CSMD1: variants seen among roughly 807,000 people sequenced by gnomAD.
The protein encoded by CSMD1 is CUB and Sushi multiple domains 1, also known as CUB and sushi domain-containing protein 1.
In CSMD1, 213 loss-of-function variants were observed where a neutral mutation model predicts 417.5. That is an observed-to-expected ratio of 0.51 (90% CI 0.46 to 0.57). CSMD1 has a LOEUF of 0.57. Among genes scored for constraint, CSMD1 ranks in the 20% least tolerant of loss-of-function variants. The pLI, the probability that CSMD1 is intolerant of heterozygous loss-of-function variation, is 0.00. For missense variants in CSMD1, 6,923 were observed against 4,529.7 expected (o/e 1.53, Z -15.17); for synonymous variants, 2,862 against 1,736.8 (o/e 1.65, Z -16.11).
At chr8:4,475,681 A>T (rs1241324548) in intron 2 of CSMD1, among the ~76,000 whole-genome samples, 2 of 43,188 alleles carry the variant, frequency 4.6e-5, no homozygotes, top group African/African-American at 1.8e-4. Context: ...CAGTGGCATG[A>T]TCTCAGCTCA....
intron 2 of CSMD1, among the ~76,000 whole-genome samples, chr8:4,592,641 C>A (rs964262076): frequency 6.6e-6 from 1 of 152,124 alleles, no homozygotes; most frequent in Non-Finnish European, 1.5e-5. Context: ...CCTGTCTTGG[C>A]CTCCCAAAGT....
At chr8:4,601,025 C>T (rs986730589) in intron 2 of CSMD1, among the ~76,000 whole-genome samples, 33 of 148,456 alleles carry the variant, frequency 2.2e-4, no homozygotes, top group African/African-American at 6.2e-4. Context: ...GGTGCCATCT[C>T]GGCTCACTGC....
At chr8:3,723,129 G>C (rs555849959) in intron 6 of CSMD1, among the ~76,000 whole-genome samples, 1 of 152,088 alleles carries the variant, frequency 6.6e-6, no homozygotes, top group Non-Finnish European at 1.5e-5. Context: ...AGTCCAATTC[G>C]GTGGTTCTAG....
intron 5 of CSMD1, among the ~76,000 whole-genome samples, chr8:3,785,803 A>C (rs1471235249): frequency 1.3e-5 from 2 of 152,188 alleles, no homozygotes; most frequent in Non-Finnish European, 2.9e-5. Context: ...CAGGCTGCGG[A>C]AGAGCTATGT....
At chr8:4,371,506 G>T (rs1425332993) in intron 3 of CSMD1, among the ~76,000 whole-genome samples, 1 of 152,062 alleles carries the variant, frequency 6.6e-6, no homozygotes, top group East Asian at 1.9e-4. Context: ...TATTAGATAT[G>T]GGATATTCCC....
chr8:3,349,440 G>T (rs2730043), intron 21 of CSMD1, among the ~76,000 whole-genome samples: 2 of 151,748 alleles, frequency 1.3e-5, no homozygotes, highest in African/African-American at 2.4e-5. Flanking sequence ...AAGGGTGTGA[G>T]GAGAAAGTCA....
chr8:4,256,819 T>C (rs1480203424), intron 3 of CSMD1, among the ~76,000 whole-genome samples: 1 of 151,980 alleles, frequency 6.6e-6, no homozygotes, highest in Admixed American at 6.6e-5. Flanking sequence ...TAAAGTCGAG[T>C]TATGAGCAAA....
chr8:4,169,197 C>A (rs1453007181), intron 3 of CSMD1, among the ~76,000 whole-genome samples: 1 of 152,098 alleles, frequency 6.6e-6, no homozygotes, highest in South Asian at 2.1e-4. Flanking sequence ...ACATAGTGTA[C>A]GTCACCAACA....
intron 11 of CSMD1, among the ~76,000 whole-genome samples, chr8:3,482,264 A>G (rs943552350): frequency 1.3e-5 from 2 of 152,176 alleles, no homozygotes; most frequent in East Asian, 1.9e-4. Flanking sequence ...AATTACCCAA[A>G]TAATGAGGCT....
At chr8:3,137,090 A>C (rs1314387424) in intron 41 of CSMD1, among the ~76,000 whole-genome samples, 1 of 152,092 alleles carries the variant, frequency 6.6e-6, no homozygotes, top group Non-Finnish European at 1.5e-5. Flanking sequence ...AGCCTTTATC[A>C]TTTCTTTGTG....
intron 1 of CSMD1, among the ~76,000 whole-genome samples, chr8:4,671,058 C>A (rs1805291578): frequency 6.6e-6 from 1 of 152,186 alleles, no homozygotes; most frequent in South Asian, 2.1e-4. Context: ...ACAGTCATTG[C>A]AAATATTACA....
chr8:3,604,787 T>C (rs1418784802), intron 8 of CSMD1, among the ~76,000 whole-genome samples: 3 of 152,090 alleles, frequency 2.0e-5, no homozygotes, highest in African/African-American at 7.2e-5. Context: ...TTATTGCTTG[T>C]GGTATCCAAG....
intron 7 of CSMD1, among the ~76,000 whole-genome samples, chr8:3,682,242 G>C (rs1379556279): frequency 2.6e-5 from 4 of 152,158 alleles, no homozygotes; most frequent in Non-Finnish European, 5.9e-5. Flanking sequence ...ACTACCATCA[G>C]AGTGAACAGG....
At chr8:3,302,153 G>A (rs771522042) in intron 25 of CSMD1, among the ~76,000 whole-genome samples, 1 of 152,142 alleles carries the variant, frequency 6.6e-6, no homozygotes, top group Non-Finnish European at 1.5e-5. Context: ...CAATAATGAT[G>A]AAATAATGAT....
chr8:3,103,311 T>A (rs1357799556), intron 46 of CSMD1, among the ~76,000 whole-genome samples: 1 of 152,136 alleles, frequency 6.6e-6, no homozygotes, highest in Non-Finnish European at 1.5e-5. Context: ...TATTGGGACA[T>A]GAAAAATAGC....
intron 49 of CSMD1, among the ~76,000 whole-genome samples, chr8:3,055,891 C>T (rs538361665): frequency 3.9e-5 from 6 of 152,136 alleles, no homozygotes; most frequent in South Asian, 2.1e-4. Context: ...TGTCTTCTTA[C>T]GCTCAGGTTA....
chr8:4,658,317 A>G (rs1311010722), intron 1 of CSMD1, among the ~76,000 whole-genome samples: 8 of 152,168 alleles, frequency 5.3e-5, no homozygotes, highest in Admixed American at 5.2e-4. Flanking sequence ...AAATTTTGAA[A>G]GACAAAAACA....
intron 7 of CSMD1, chr8:3,702,211 T>G (rs1339361164): frequency 1.3e-5 from 2 of 152,212 alleles, no homozygotes; most frequent in South Asian, 4.1e-4. Flanking sequence ...CCATCCTGCA[T>G]GGCTACAAAG....
intron 51 of CSMD1, among the ~76,000 whole-genome samples, chr8:3,025,016 G>A (rs530620464): frequency 1.3e-5 from 2 of 150,580 alleles, no homozygotes; most frequent in Non-Finnish European, 3.0e-5. Context: ...TTCTGAAACC[G>A]TGTATTGTGC....
Sources: allele counts gnomAD v4.1 joint callset (sites outside exome capture counted in the v4.1 genomes callset), GRCh38; gene constraint gnomAD v4.1.1; transcripts MANE v1.5; gene names NCBI Gene and HGNC (gene_info 2026-07-23, HGNC 2026-07-21).